SKAP2: variants seen among roughly 807,000 people sequenced by gnomAD.
SKAP2 encodes the protein src kinase-associated phosphoprotein 2.
In SKAP2, 28 loss-of-function variants were observed where a neutral mutation model predicts 54.9. The observed-to-expected ratio is 0.51, with a 90% CI of 0.38 to 0.70. SKAP2 has a LOEUF of 0.70. Ranked by LOEUF, SKAP2 falls within the 30% of genes least tolerant of loss-of-function variation. The probability of loss-of-function intolerance (pLI) is 0.00; values close to 1 mark genes in which losing one functional copy is unlikely to be tolerated. For missense variants in SKAP2, 356 were observed against 424.1 expected, an observed-to-expected ratio of 0.84 and a Z score of 1.41; for synonymous variants, 137 against 134.3, an observed-to-expected ratio of 1.02 and a Z score of -0.14.
At chr7:26,756,617 G>A (rs1210180701) in intron 4 of SKAP2, among the ~76,000 whole-genome samples, 1 of 152,138 alleles carries the variant, frequency 6.6e-6, no homozygotes, top group Non-Finnish European at 1.5e-5. Context: ...CTTTGCTATT[G>A]TGAGTAGTGC....
intron 4 of SKAP2, among the ~76,000 whole-genome samples, chr7:26,770,818 G>A (rs1783173886): frequency 6.6e-6 from 1 of 152,100 alleles, no homozygotes; most frequent in Non-Finnish European, 1.5e-5. Context: ...AGATAAGCTG[G>A]GTACTTCAGT....
At chr7:26,756,100 T>C (rs1331943498) in intron 4 of SKAP2, among the ~76,000 whole-genome samples, 2 of 152,220 alleles carry the variant, frequency 1.3e-5, no homozygotes, top group Non-Finnish European at 1.5e-5. Flanking sequence ...TATACTAATG[T>C]AGAAAGATGT....
chr7:26,689,245 A>G (rs1245991963), intron 10 of SKAP2, among the ~76,000 whole-genome samples: 1 of 151,982 alleles, frequency 6.6e-6, no homozygotes, highest in Non-Finnish European at 1.5e-5. Flanking sequence ...GGTGACCCTA[A>G]CTCTAGCTTT....
intron 11 of SKAP2, among the ~76,000 whole-genome samples, chr7:26,679,854 A>G (rs532188683): frequency 6.6e-6 from 1 of 152,324 alleles, no homozygotes; most frequent in Admixed American, 6.5e-5. Flanking sequence ...TTCACCAATC[A>G]CTGGAAAAAG....
chr7:26,670,198 T>C lies in SKAP2; in HGVS notation c.988-6A>G. ...CAGCCATATCTATTGTATTCCTAATTGAAAACAATATGCAATATTAACCTT... is the reference window on the plus strand; with the variant it reads ...CAGCCATATCTATTGTATTCCTAATCGAAAACAATATGCAATATTAACCTT... On this transcript the variant is annotated splice_polypyrimidine_tract_variant and splice_region_variant and intron_variant, in intron 11 of 12. Transcript: ENST00000345317. 1 of 1,388,316 alleles carries C rather than the reference T, an allele frequency of 7.2e-7. No homozygotes were observed. Among genetic ancestry groups the C allele is most frequent in the Non-Finnish European group, 1.0e-6 (1 of 974,508 alleles). 86.0% of individuals were successfully genotyped at this position (1,388,316 alleles called of 1,614,324 possible).
chr7:26,790,745 T>C (rs1783657114), intron 4 of SKAP2, among the ~76,000 whole-genome samples: 1 of 152,250 alleles, frequency 6.6e-6, no homozygotes, highest in South Asian at 2.1e-4. Flanking sequence ...TTGGATTAGC[T>C]TTAAATTTAT....
At chr7:26,741,860 A>C (rs1782463400) in intron 4 of SKAP2, among the ~76,000 whole-genome samples, 1 of 152,036 alleles carries the variant, frequency 6.6e-6, no homozygotes, top group African/African-American at 2.4e-5. Flanking sequence ...CAGTAGTGAT[A>C]AAGTCATGGA....
At chr7:26,812,303 G>A (rs1330108126) in intron 4 of SKAP2, among the ~76,000 whole-genome samples, 1 of 151,880 alleles carries the variant, frequency 6.6e-6, no homozygotes, top group Non-Finnish European at 1.5e-5. Flanking sequence ...GAGAGTATTT[G>A]CCCATATACA....
At chr7:26,839,045 C>G (rs1338113327) in intron 4 of SKAP2, among the ~76,000 whole-genome samples, 1 of 152,090 alleles carries the variant, frequency 6.6e-6, no homozygotes, top group Non-Finnish European at 1.5e-5. Flanking sequence ...TTGAGTTTTA[C>G]TTAACCTTTG....
downstream of SKAP2, among the ~76,000 whole-genome samples, chr7:26,662,864 G>A (rs1398568822): frequency 6.6e-6 from 1 of 152,064 alleles, no homozygotes; most frequent in Non-Finnish European, 1.5e-5. Flanking sequence ...TATGTAGAGC[G>A]ATAAGAATTG....
chr7:26,845,471 T>C (rs966812448), intron 3 of SKAP2, among the ~76,000 whole-genome samples: 1 of 152,226 alleles, frequency 6.6e-6, no homozygotes, highest in Non-Finnish European at 1.5e-5. Context: ...TCCTTAGGGA[T>C]TCTACTACTA....
chr7:26,862,040 A>G (rs1310871156), intron 1 of SKAP2, among the ~76,000 whole-genome samples: 4 of 151,968 alleles, frequency 2.6e-5, no homozygotes, highest in Admixed American at 2.6e-4. Context: ...ACCATTACCA[A>G]TATCTCCTCA....
At chr7:26,726,739 G>T (rs79005988) in intron 7 of SKAP2, 143 bp downstream of exon 7, 34,950 of 630,764 alleles carry the variant, frequency 0.055, 1,227 homozygotes, top group Non-Finnish European at 0.071. Context: ...TTATATGAAT[G>T]TTCAATGCAT....
intron 4 of SKAP2, among the ~76,000 whole-genome samples, chr7:26,833,908 C>G (rs187773094): frequency 2.2e-4 from 33 of 152,310 alleles, no homozygotes; most frequent in African/African-American, 7.0e-4. Context: ...CTTCTCAGCA[C>G]CACATTGCAC....
chr7:26,803,460 G>A (rs1274914394), intron 4 of SKAP2, among the ~76,000 whole-genome samples: 1 of 152,190 alleles, frequency 6.6e-6, no homozygotes, highest in Non-Finnish European at 1.5e-5. Context: ...CCAAAAGACA[G>A]GCAATAGCAA....
chr7:26,741,960 T>C (rs1333191066), intron 4 of SKAP2, among the ~76,000 whole-genome samples: 3 of 152,124 alleles, frequency 2.0e-5, no homozygotes, highest in African/African-American at 7.2e-5. Flanking sequence ...CCACACAGTA[T>C]CATTAAAACA....
intron 4 of SKAP2, among the ~76,000 whole-genome samples, chr7:26,756,906 C>T (rs372254187): frequency 3.3e-5 from 5 of 152,090 alleles, no homozygotes; most frequent in East Asian, 1.9e-4. Context: ...ATTGTGGTTT[C>T]GATTTGCATT....
rs1286015370 is a variant in SKAP2, at chr7:26,844,196, T to C, written c.200-59A>G. On this transcript the variant is annotated intron_variant, in intron 3 of 12. Coordinates refer to ENST00000345317, the MANE Select transcript of SKAP2 (RefSeq NM_003930.5). ...TTTATACTTTAGCCATTTAAAGTAATGTTACTTAATGTTAATGTTACTTTG... is the reference window on the plus strand; with the variant it reads ...TTTATACTTTAGCCATTTAAAGTAACGTTACTTAATGTTAATGTTACTTTG... 4.2e-6 allele frequency: 4 copies of C among 946,596 alleles called. No homozygotes were observed. In the African/African-American group the frequency reaches 4.9e-5, roughly 12 times the overall value. 58.6% of individuals were successfully genotyped at this position (946,596 alleles called of 1,614,324 possible). A position where few individuals can be genotyped will look rare whatever the true frequency, so the allele number is the denominator to read the frequency against.
At chr7:26,706,281 A>G (rs893666004) in intron 9 of SKAP2, among the ~76,000 whole-genome samples, 24 of 152,178 alleles carry the variant, frequency 1.6e-4, no homozygotes, top group African/African-American at 4.8e-4. Context: ...ACAAAATTTT[A>G]TAAGAGTCAA....
Sources: gnomAD v4.1 joint callset for allele counts (sites outside exome capture counted in the v4.1 genomes callset) on GRCh38, gnomAD v4.1.1 for gene constraint, MANE v1.5 for transcripts, NCBI Gene and HGNC (gene_info 2026-07-23, HGNC 2026-07-21) for gene names.